ZNF827: variants seen among roughly 807,000 people sequenced by gnomAD.
ZNF827 encodes zinc finger protein 827.
ZNF827 carries 13 observed loss-of-function variants against 102.4 expected under a neutral mutation model. The observed-to-expected ratio is 0.13, with a 90% CI of 0.08 to 0.20. ZNF827 has a LOEUF of 0.20. ZNF827 is among the 10% of genes least tolerant of loss of function. The pLI, the probability that ZNF827 is intolerant of heterozygous loss-of-function variation, is 1.00. For synonymous variants in ZNF827, 523 were observed against 536.2 expected (o/e 0.98, Z 0.34); for missense variants, 1,103 against 1,344.4 (o/e 0.82, Z 2.81).
chr4:145,795,004 T>G (rs932424691), intron 8 of ZNF827, among the ~76,000 whole-genome samples: 1 of 152,202 alleles, frequency 6.6e-6, no homozygotes, highest in Non-Finnish European at 1.5e-5. Context: ...CTGAACCACA[T>G]GTACCTGCCA....
intron 8 of ZNF827, among the ~76,000 whole-genome samples, chr4:145,788,285 C>T (rs1410910961): frequency 2.6e-5 from 4 of 152,130 alleles, no homozygotes; most frequent in Non-Finnish European, 4.4e-5. Context: ...TAGTAGAAAA[C>T]TGGACCTTGA....
chr4:145,858,555 T>G (rs1332238966), intron 5 of ZNF827, among the ~76,000 whole-genome samples: 2 of 150,252 alleles, frequency 1.3e-5, no homozygotes, highest in Non-Finnish European at 2.9e-5. Context: ...GGTGGGAGGA[T>G]AGCTTGAGGC....
intron 8 of ZNF827, among the ~76,000 whole-genome samples, chr4:145,786,379 G>T (rs1202225415): frequency 6.6e-6 from 1 of 152,210 alleles, no homozygotes; most frequent in Non-Finnish European, 1.5e-5. Flanking sequence ...GTAAGCAAAA[G>T]ATTGGCCAAA....
chr4:145,788,247 G>A (rs898031740), intron 8 of ZNF827, among the ~76,000 whole-genome samples: 7 of 152,104 alleles, frequency 4.6e-5, no homozygotes, highest in Non-Finnish European at 1.0e-4. Flanking sequence ...TCTATATCTG[G>A]TTCTTTATGC....
At position 145,928,237 on chromosome 4, in the gene ZNF827, G is replaced by C. The variant is rs1026592303; in HGVS notation, c.43+10128C>G. On this transcript the variant is annotated intron_variant, in intron 1 of 14. Coordinates refer to ENST00000508784, the MANE Select transcript of ZNF827 (RefSeq NM_001306215.2). ...GGTTAGTTCAGGGGTCCTCAACTCGGGATTAAGCAAATGAATCACATCACC... is the reference window on the plus strand; with the variant it reads ...GGTTAGTTCAGGGGTCCTCAACTCGCGATTAAGCAAATGAATCACATCACC... 2.0e-5 allele frequency among the ~76,000 whole-genome samples: 3 copies of C among 152,098 alleles called. No individual in the cohort carries two copies. The East Asian group carries it at 5.8e-4, about 29-fold the overall frequency.
chr4:145,921,619 G>C (rs1446155045), intron 1 of ZNF827, among the ~76,000 whole-genome samples: 1 of 152,062 alleles, frequency 6.6e-6, no homozygotes, highest in Non-Finnish European at 1.5e-5. Flanking sequence ...AAAACTGGGT[G>C]GGGAAGAAAT....
At chr4:145,768,877 A>C (rs1360084437) in intron 11 of ZNF827, among the ~76,000 whole-genome samples, 6 of 28,808 alleles carry the variant, frequency 2.1e-4, no homozygotes, top group Non-Finnish European at 2.3e-4. Flanking sequence ...AAAAAAAAAA[A>C]AAAAAAAAAA....
intron 7 of ZNF827, chr4:145,833,087 G>C: frequency 4.7e-6 from 1 of 212,950 alleles, no homozygotes; most frequent in South Asian, 6.3e-5. Context: ...TGCTCCGTGA[G>C]AAAGATCCAC....
intron 11 of ZNF827, among the ~76,000 whole-genome samples, chr4:145,770,255 C>T (rs1057312118): frequency 7.2e-5 from 11 of 151,826 alleles, no homozygotes; most frequent in African/African-American, 1.7e-4. Context: ...GCCAAGATCA[C>T]GCCACTTCAC....
chr4:145,902,117 T>C lies in ZNF827; in HGVS notation c.1093+49A>G, dbSNP rs1467376755. Reference sequence around the variant, plus strand: ...AAAAGCAATGAATAAGACATCGCAGTTTATAGTCTAAAGGACTTACACGAT... The same window carrying C: ...AAAAGCAATGAATAAGACATCGCAGCTTATAGTCTAAAGGACTTACACGAT... On this transcript the variant is annotated intron_variant, in intron 2 of 14. Coordinates refer to ENST00000508784, the MANE Select transcript of ZNF827 (RefSeq NM_001306215.2). The surrounding 1 kb of genome is among the most constrained non-coding windows in gnomAD (Gnocchi z 4.3). The C allele has an allele frequency of 1.0e-5, 16 of 1,526,554 alleles. No homozygotes were observed. In the South Asian group the frequency reaches 2.0e-4, roughly 19 times the overall value. The allele number at this position is 1,526,554 out of a possible 1,614,324, so 94.6% of individuals were successfully genotyped here.
chr4:145,930,838 C>T (rs1490313086), intron 1 of ZNF827, among the ~76,000 whole-genome samples: 6 of 151,008 alleles, frequency 4.0e-5, no homozygotes, highest in Admixed American at 6.6e-5. Flanking sequence ...TGTGTGTGTG[C>T]GTGTGTGTGT....
At chr4:145,889,654 C>T (rs1450108155) in intron 3 of ZNF827, among the ~76,000 whole-genome samples, 1 of 151,070 alleles carries the variant, frequency 6.6e-6, no homozygotes, top group African/African-American at 2.4e-5. Context: ...CCCGTACTGA[C>T]CCCACTTCTT....
At chr4:145,870,205 A>C (rs779395744) in intron 5 of ZNF827, 40 bp downstream of exon 5, 1 of 1,596,586 alleles carries the variant, frequency 6.3e-7, no homozygotes, top group South Asian at 1.1e-5. Context: ...CCTGCAAGTG[A>C]AACTATCAGA....
chr4:145,855,096 A>T (rs1746936624), intron 5 of ZNF827, among the ~76,000 whole-genome samples: 1 of 152,224 alleles, frequency 6.6e-6, no homozygotes, highest in Non-Finnish European at 1.5e-5. Flanking sequence ...TCTGCTGCGA[A>T]CACTCATACA....
intron 1 of ZNF827, among the ~76,000 whole-genome samples, chr4:145,934,439 T>C (rs922449078): frequency 1.1e-4 from 16 of 152,170 alleles, no homozygotes; most frequent in African/African-American, 3.9e-4. Context: ...AGGTTAGTAG[T>C]GTCAGGTTAA....
intron 7 of ZNF827, among the ~76,000 whole-genome samples, chr4:145,843,474 G>C (rs1279506265): frequency 6.6e-6 from 1 of 152,134 alleles, no homozygotes; most frequent in Non-Finnish European, 1.5e-5. Flanking sequence ...TCATGCTTCA[G>C]CTCCAGCCAA....
At chr4:145,912,259 C>G (rs1752347782) in intron 1 of ZNF827, among the ~76,000 whole-genome samples, 1 of 152,212 alleles carries the variant, frequency 6.6e-6, no homozygotes, top group Non-Finnish European at 1.5e-5. Flanking sequence ...TCAGGAGCTA[C>G]TGGAACTTTT....
chr4:145,844,692 A>AT (rs111347654), intron 7 of ZNF827, among the ~76,000 whole-genome samples: 2,191 of 134,876 alleles, frequency 0.016, 56 homozygotes, highest in African/African-American at 0.058. Context: ...AAATAAATAA[A>AT]TAAATAAATA....
At chr4:145,851,971 C>T (rs1222186630) in intron 5 of ZNF827, among the ~76,000 whole-genome samples, 1 of 152,150 alleles carries the variant, frequency 6.6e-6, no homozygotes, top group East Asian at 1.9e-4. Context: ...GATCAGCCAC[C>T]CTCATGGGCA....
Sources: allele counts gnomAD v4.1 joint callset (sites outside exome capture counted in the v4.1 genomes callset), GRCh38; gene constraint gnomAD v4.1.1; non-coding constraint Gnocchi (gnomAD v3.1); transcripts MANE v1.5; gene names NCBI Gene and HGNC (gene_info 2026-07-23, HGNC 2026-07-21).